The following ITGAM variants were observed in gnomAD, a reference collection of about 807,000 sequenced individuals.
ITGAM encodes integrin subunit alpha M, also known as integrin alpha-M.
ITGAM carries 79 observed loss-of-function variants against 137.5 expected under a neutral mutation model. The ratio of observed to expected loss-of-function variants is 0.57; its 90% CI spans 0.48 to 0.69. The LOEUF (loss-of-function observed/expected upper bound fraction) is 0.69. Ranked by LOEUF, ITGAM falls within the 30% of genes least tolerant of loss-of-function variation. ITGAM has a pLI of 0.00. For synonymous variants in ITGAM, 583 were observed against 592.3 expected (o/e 0.98, Z 0.23); for missense variants, 1,343 against 1,483.5 (o/e 0.91, Z 1.56).
intron 7 of ITGAM, 62 bp downstream of exon 7, chr16:31,272,054 T>G (rs572497284): frequency 1.0e-5 from 16 of 1,601,208 alleles, no homozygotes; most frequent in Non-Finnish European, 1.4e-5. Context: ...TGGGCTTTGA[T>G]GGATGAAGGG....
chr16:31,327,591 G>A (rs1437632313), intron 22 of ITGAM, among the ~76,000 whole-genome samples: 3 of 146,834 alleles, frequency 2.0e-5, no homozygotes, highest in Admixed American at 6.7e-5. Flanking sequence ...GAGACCCAGT[G>A]TCAAAATAAT....
At chr16:31,328,602 GA>G (rs2080535980) in intron 23 of ITGAM, among the ~76,000 whole-genome samples, 1 of 142,976 alleles carries the variant, frequency 7.0e-6, no homozygotes. Context: ...TGTGTGTGAG[GA>G]TCTATGTGCA....
chr16:31,310,302 T>A (rs2080312217), intron 14 of ITGAM, among the ~76,000 whole-genome samples: 1 of 152,216 alleles, frequency 6.6e-6, no homozygotes, highest in South Asian at 2.1e-4. Flanking sequence ...TCCAACTTGA[T>A]TCCATTCTCC....
chr16:31,331,191 G>C lies in ITGAM; in HGVS notation c.3303G>C (p.Glu1101Asp), dbSNP rs772521273. Residue 1101 changes from glutamate to aspartate, a missense_variant, in exon 29 of 30, where the codon GAG becomes GAC. Transcript: ENST00000544665. ...SQTETKVEPFEVPNPLPLIVG... is the reference protein window; with the variant it reads ...SQTETKVEPFDVPNPLPLIVG... ...CGGAGACCAAAGTGGAGCCGTTCGA[G>C]GTCCCCAACCCCCTGCCGCTCATCG... The C allele has an allele frequency of 1.9e-6, 3 of 1,612,452 alleles. No homozygotes were observed. The highest frequency in any genetic ancestry group is 2.5e-6 in the Non-Finnish European group (3 of 1,178,862).
At chr16:31,274,103 C>T (rs529510209) in intron 8 of ITGAM, among the ~76,000 whole-genome samples, 13 of 152,312 alleles carry the variant, frequency 8.5e-5, no homozygotes, top group African/African-American at 2.4e-4. Flanking sequence ...CAACATCTTT[C>T]GCTGATGCTA....
At chr16:31,330,688 A>C (rs774956559) in intron 28 of ITGAM, 83 bp downstream of exon 28, 4 of 960,520 alleles carry the variant, frequency 4.2e-6, no homozygotes, top group Non-Finnish European at 3.1e-6. Flanking sequence ...AGAGAGACAC[A>C]AAGAGAGAGG....
At chr16:31,291,507 G>A (rs1391970055) in intron 12 of ITGAM, among the ~76,000 whole-genome samples, 3 of 151,952 alleles carry the variant, frequency 2.0e-5, no homozygotes, top group Non-Finnish European at 4.4e-5. Context: ...ATCCATCATT[G>A]TTTGTCTTTT....
Position 31,325,381 on chromosome 16 carries a change from T to C in ITGAM, c.2482T>C (p.Tyr828His). 6.2e-7 allele frequency: 1 copy of C among 1,613,608 alleles called. No individual in the cohort carries two copies. The highest frequency in any genetic ancestry group is 8.5e-7 in the Non-Finnish European group (1 of 1,179,628). ...CTTCTTCTTCCCGCTTGACCTGTCCTACCGGAAGGTGTCCACGCTCCAGGT... is the reference window on the plus strand; with the variant it reads ...CTTCTTCTTCCCGCTTGACCTGTCCCACCGGAAGGTGTCCACGCTCCAGGT... ...VTFFFPLDLS[Y>H]RKVSTLQNQR... The change falls in exon 20 of 30, where the codon TAC (tyrosine) becomes CAC (histidine). Residue 828 changes from tyrosine (Y) to histidine (H), a missense_variant. Tyr to His is a moderately conservative substitution (Grantham distance 83, BLOSUM62 2). Coordinates refer to ENST00000544665, the MANE Select transcript of ITGAM (RefSeq NM_000632.4).
intron 25 of ITGAM, 73 bp downstream of exon 25, chr16:31,329,978 T>C: frequency 6.5e-7 from 1 of 1,529,778 alleles, no homozygotes; most frequent in Non-Finnish European, 8.9e-7. Flanking sequence ...TATTGGGTTT[T>C]AGAGCCGCTC....
intron 29 of ITGAM, 168 bp from the exon 30 acceptor site, chr16:31,331,468 T>TGGG: frequency 1.8e-6 from 1 of 568,222 alleles, no homozygotes; most frequent in Non-Finnish European, 3.0e-6. Flanking sequence ...GTCGCCCTCC[T>TGGG]TGTAGTTTCT....
At chr16:31,285,249 T>G (rs772713000) in intron 12 of ITGAM, among the ~76,000 whole-genome samples, 1 of 152,146 alleles carries the variant, frequency 6.6e-6, no homozygotes, top group Non-Finnish European at 1.5e-5. Context: ...CATGAGTTGA[T>G]CTTTAACCAG....
chr16:31,304,744 G>A (rs2080249204), intron 14 of ITGAM, among the ~76,000 whole-genome samples: 2 of 152,060 alleles, frequency 1.3e-5, no homozygotes, highest in South Asian at 4.1e-4. Context: ...GTTTTTGTAT[G>A]CTTTGTAAAA....
In ITGAM at chr16:31,294,989, CCTTTGCATATT is replaced by C. The variant is rs1345874260; in HGVS notation, c.1357-2521_1357-2511del. 2.0e-5 allele frequency among the ~76,000 whole-genome samples: 3 copies of C among 152,276 alleles called. 1 individual carries two copies. The highest frequency in any genetic ancestry group is 2.9e-5 in the Non-Finnish European group (2 of 68,002). On this transcript the variant is annotated intron_variant, in intron 12 of 29. Coordinates refer to ENST00000544665, the MANE Select transcript of ITGAM (RefSeq NM_000632.4). Reference sequence around the variant, plus strand: ...ATTTGTTGAAGAGAATGTCCTTTCTCCTTTGCATATTCTTGGCACCTTTATTGAAGATCAAT... The same window carrying C: ...ATTTGTTGAAGAGAATGTCCTTTCTCCTTGGCACCTTTATTGAAGATCAAT...
rs2080500903 is a variant in ITGAM at position 31,325,599 on chromosome 16, C to T, written c.2605C>T (p.Pro869Ser). The T allele has an allele frequency of 8.7e-6, 14 of 1,613,770 alleles. No homozygotes were observed. Among genetic ancestry groups the T allele is most frequent in the African/African-American group, 2.7e-5 (2 of 74,914 alleles). Residue 869 changes from proline (P) to serine (S), a missense_variant, in exon 21 of 30, where the codon CCC becomes TCC. Coordinates refer to ENST00000544665, the MANE Select transcript of ITGAM (RefSeq NM_000632.4). ...LKSTSCSINH[P>S]IFPENSEVTF... ...GAGCACCAGCTGCAGCATAAACCAC[C>T]CCATCTTCCCGGAAAACTCAGAGGT...
At chr16:31,327,326 C>T (rs533444781) in intron 22 of ITGAM, among the ~76,000 whole-genome samples, 58 of 152,170 alleles carry the variant, frequency 3.8e-4, no homozygotes, top group African/African-American at 1.3e-3. Flanking sequence ...CTGGCTCAAG[C>T]CTGTAATCCC....
intron 14 of ITGAM, among the ~76,000 whole-genome samples, chr16:31,317,598 A>G (rs1484872745): frequency 1.3e-5 from 2 of 152,200 alleles, no homozygotes; most frequent in Non-Finnish European, 2.9e-5. Flanking sequence ...CATCCAGTCT[A>G]TGTTATTTGT....
At chr16:31,266,956 C>T (rs1463010492) in intron 5 of ITGAM, among the ~76,000 whole-genome samples, 1 of 151,874 alleles carries the variant, frequency 6.6e-6, no homozygotes, top group East Asian at 1.9e-4. Flanking sequence ...CAACCTCTGC[C>T]TCCCAGGTTC....
chr16:31,261,631 T>C, intron 1 of ITGAM, 61 bp from the exon 2 acceptor site: 1 of 1,085,946 alleles, frequency 9.2e-7, no homozygotes, highest in Non-Finnish European at 1.4e-6. Context: ...GTGCTAGGAC[T>C]ACAGCCCCTA....
intron 12 of ITGAM, among the ~76,000 whole-genome samples, chr16:31,288,821 A>C (rs549741957): frequency 1.2e-4 from 18 of 152,330 alleles, no homozygotes; most frequent in African/African-American, 2.4e-4. Flanking sequence ...GTGAACAGGC[A>C]ACCTACAGAA....
Sources: allele counts gnomAD v4.1 joint callset (sites outside exome capture counted in the v4.1 genomes callset), GRCh38; gene constraint gnomAD v4.1.1; transcripts MANE v1.5; gene names NCBI Gene and HGNC (gene_info 2026-07-23, HGNC 2026-07-21).